Variants in GXYLT2 observed in about 807,000 individuals in gnomAD.
The protein encoded by GXYLT2 is glucoside xylosyltransferase 2.
Under a neutral mutation model 45.8 loss-of-function variants are expected in GXYLT2, and 53 were observed. That is an observed-to-expected ratio of 1.16 (90% CI 0.93 to 1.46). GXYLT2 has a LOEUF of 1.46. Among genes scored for constraint, GXYLT2 ranks in the 40% most tolerant of loss-of-function variants. GXYLT2 has a pLI of 0.00. For missense variants in GXYLT2, 551 were observed against 544.4 expected (o/e 1.01, Z -0.12); for synonymous variants, 219 against 214.2 (o/e 1.02, Z -0.19).
At chr3:72,943,889 G>T (rs1043449715) in intron 3 of GXYLT2, among the ~76,000 whole-genome samples, 1 of 150,936 alleles carries the variant, frequency 6.6e-6, no homozygotes, top group Non-Finnish European at 1.5e-5. Context: ...TTGCTATGTT[G>T]CCCAGGCTAG....
rs529400999 is a variant in GXYLT2 at position 72,888,447 on chromosome 3, C to A, written c.214C>A (p.Pro72Thr). The A allele has an allele frequency of 2.5e-6, 3 of 1,202,604 alleles. No homozygotes were observed. The highest frequency in any genetic ancestry group is 3.1e-6 in the Non-Finnish European group (3 of 965,980). 74.5% of individuals were successfully genotyped at this position (1,202,604 alleles called of 1,614,324 possible). A position where few individuals can be genotyped will look rare whatever the true frequency, so the allele number is the denominator to read the frequency against. Residue 72 changes from proline to threonine, a missense_variant, in exon 1 of 7, where the codon CCC becomes ACC. Transcript: ENST00000389617. The stretch of plus-strand genomic sequence containing the variant: ...CAGCCCGGGAGTTCGGAGGCGCCGG[C>A]CCCCGCGTCCGCGCCCCCGAGCGGG... The part of the protein sequence containing the change: ...GASPGVRRRR[P>T]PRPRPRAGRR...
At chr3:72,928,269 C>G (rs1364479201) in intron 3 of GXYLT2, among the ~76,000 whole-genome samples, 1 of 152,182 alleles carries the variant, frequency 6.6e-6, no homozygotes, top group Non-Finnish European at 1.5e-5. Flanking sequence ...GTCCTAAGGA[C>G]CTAGGCAAAT....
intron 6 of GXYLT2, 91 bp from the exon 7 acceptor site, chr3:72,974,886 C>T (rs557393126): frequency 1.6e-4 from 153 of 972,036 alleles, no homozygotes; most frequent in Middle Eastern, 6.2e-4. Context: ...GTGGGCTTAT[C>T]GTAATTCCTG....
intron 5 of GXYLT2, among the ~76,000 whole-genome samples, chr3:72,964,926 G>T (rs1258486018): frequency 6.6e-6 from 1 of 152,198 alleles, no homozygotes; most frequent in Non-Finnish European, 1.5e-5. Context: ...GTTGGGTGTG[G>T]CCAGGCACAG....
chr3:72,972,661 A>G (rs1454910437), intron 6 of GXYLT2, among the ~76,000 whole-genome samples: 2 of 149,630 alleles, frequency 1.3e-5, no homozygotes, highest in African/African-American at 4.9e-5. Context: ...AAAAAAAAAA[A>G]GAAGCATATA....
intron 3 of GXYLT2, among the ~76,000 whole-genome samples, chr3:72,941,239 A>G (rs1349926624): frequency 6.6e-6 from 1 of 152,184 alleles, no homozygotes; most frequent in Non-Finnish European, 1.5e-5. Flanking sequence ...TCTCCCTGCT[A>G]CATGTGTCTC....
intron 5 of GXYLT2, among the ~76,000 whole-genome samples, chr3:72,966,086 C>T (rs1365863456): frequency 6.6e-6 from 1 of 151,998 alleles, no homozygotes; most frequent in Non-Finnish European, 1.5e-5. Context: ...GTTCTAGATT[C>T]TCGTGCCTCA....
Position 72,967,516 on chromosome 3 carries a change from G to T in GXYLT2, c.977-31G>T, listed in dbSNP as rs565360127. 5.1e-6 allele frequency: 8 copies of T among 1,580,338 alleles called. No homozygotes were observed. The South Asian group carries it at 7.8e-5, about 15-fold the overall frequency. ...TGCATGAGAGCTGGCACTAACCGTG[G>T]ACATATATGTCTTTCTCTTTTTACC... On this transcript the variant is annotated intron_variant, in intron 5 of 6. Transcript: ENST00000389617.
chr3:72,914,250 T>A (rs1709687712), intron 2 of GXYLT2, among the ~76,000 whole-genome samples: 1 of 152,208 alleles, frequency 6.6e-6, no homozygotes, highest in Non-Finnish European at 1.5e-5. Flanking sequence ...TCTGGTGGTA[T>A]TTGCCATCTA....
intron 1 of GXYLT2, among the ~76,000 whole-genome samples, chr3:72,895,917 C>T (rs902345977): frequency 3.3e-5 from 5 of 152,162 alleles, no homozygotes; most frequent in Non-Finnish European, 1.5e-5. Context: ...AATTTATAAT[C>T]CAAGCTTTAC....
intron 1 of GXYLT2, among the ~76,000 whole-genome samples, chr3:72,900,474 G>A (rs1709383070): frequency 6.6e-6 from 1 of 152,020 alleles, no homozygotes; most frequent in Non-Finnish European, 1.5e-5. Context: ...AATGCAAATG[G>A]CACAATCTCG....
chr3:72,921,907 C>T (rs185746372), intron 2 of GXYLT2, among the ~76,000 whole-genome samples: 3 of 152,100 alleles, frequency 2.0e-5, no homozygotes, highest in Non-Finnish European at 2.9e-5. Flanking sequence ...GTACCTCTGT[C>T]TTTTGGGGTG....
At chr3:72,924,718 C>T (rs1038127831) in intron 3 of GXYLT2, among the ~76,000 whole-genome samples, 1 of 152,006 alleles carries the variant, frequency 6.6e-6, no homozygotes, top group African/African-American at 2.4e-5. Flanking sequence ...TCATGATTGG[C>T]TCGTTGTAAG....
At chr3:72,905,958 G>T (rs976925328) in intron 1 of GXYLT2, among the ~76,000 whole-genome samples, 1 of 152,110 alleles carries the variant, frequency 6.6e-6, no homozygotes, top group Non-Finnish European at 1.5e-5. Context: ...TTCTGTTTGG[G>T]GGCAGGTGAG....
chr3:72,911,450 A>G (rs1709620280), intron 2 of GXYLT2, among the ~76,000 whole-genome samples: 1 of 152,172 alleles, frequency 6.6e-6, no homozygotes, highest in Non-Finnish European at 1.5e-5. Context: ...CTGTGTAACT[A>G]ATAGGACAGG....
In GXYLT2 at chr3:72,957,976, TA is replaced by T. The variant is rs199952545; in HGVS notation, c.976+629del. 8.6e-3 allele frequency among the ~76,000 whole-genome samples: 1,314 copies of T among 152,144 alleles called. 5 individuals are homozygous for T. Among genetic ancestry groups the T allele is most frequent in the Non-Finnish European group, 0.013 (863 of 67,978 alleles). The stretch of plus-strand genomic sequence containing the variant: ...TTCCTTGTTAAAACTTTATTCTTAT[TA>T]AAAATTAAAACTCCCAGGCACAGTG... On this transcript the variant is annotated intron_variant, in intron 5 of 6. Transcript: ENST00000389617.
At chr3:72,911,042 A>G (rs562276392) in intron 2 of GXYLT2, among the ~76,000 whole-genome samples, 3 of 152,190 alleles carry the variant, frequency 2.0e-5, no homozygotes, top group Non-Finnish European at 4.4e-5. Flanking sequence ...CTGTAATCCC[A>G]GCACTTTGCG....
chr3:72,958,685 G>T (rs1287984768), intron 5 of GXYLT2, among the ~76,000 whole-genome samples: 1 of 144,994 alleles, frequency 6.9e-6, no homozygotes, highest in Non-Finnish European at 1.5e-5. Flanking sequence ...AGGCTGGAGT[G>T]CAGTGACACA....
rs150813041 is a variant in GXYLT2 at position 72,902,473 on chromosome 3, T to C, written c.276-5894T>C. The stretch of plus-strand genomic sequence containing the variant: ...TTTTTAGCTTGGTATTCTTTCCTGC[T>C]GAAGGTTACAGTGTCTTTTCAATTG... On this transcript the variant is annotated intron_variant, in intron 1 of 6. Transcript: ENST00000389617. Among the ~76,000 whole-genome samples, 884 of 152,330 alleles carry C rather than the reference T, an allele frequency of 5.8e-3. 24 individuals are homozygous for C. The highest frequency in any genetic ancestry group is 0.051 in the East Asian group (264 of 5,190).
Sources: gnomAD v4.1 joint callset for allele counts (sites outside exome capture counted in the v4.1 genomes callset) on GRCh38, gnomAD v4.1.1 for gene constraint, MANE v1.5 for transcripts, NCBI Gene and HGNC (gene_info 2026-07-23, HGNC 2026-07-21) for gene names.